The following XKR3 variants were observed in gnomAD, a reference collection of about 807,000 sequenced individuals.
XKR3 encodes the protein XK-related protein 3.
A neutral mutation model predicts 40.3 loss-of-function variants in XKR3; 27 were observed. The ratio of observed to expected loss-of-function variants is 0.67; its 90% CI spans 0.49 to 0.92. The LOEUF (loss-of-function observed/expected upper bound fraction) is 0.92. Among genes scored for constraint, XKR3 ranks in the 40% least tolerant of loss-of-function variants. The pLI, the probability that XKR3 is intolerant of heterozygous loss-of-function variation, is 0.00. For synonymous variants in XKR3, 193 were observed against 195.4 expected, an observed-to-expected ratio of 0.99 and a Z score of 0.10; for missense variants, 472 against 537.6, an observed-to-expected ratio of 0.88 and a Z score of 1.21.
rs1236150066 is a variant in XKR3, at chr22:16,784,312, C to T, written c.687G>A (p.Lys229=). 835 of 1,614,176 alleles carry T rather than the reference C, an allele frequency of 5.2e-4. 10 individuals carry two copies. The East Asian group carries it at 0.018, about 35-fold the overall frequency. The change falls in exon 4 of 4, where the codon AAG becomes AAA. Residue 229 remains lysine, a synonymous_variant. Coordinates refer to ENST00000684488, the MANE Select transcript of XKR3 (RefSeq NM_001386955.1). The part of the protein sequence containing the change: ...IQISNDDTTI[K]LPPIEFFCVV... ...CACAGAAGAATTCTATCGGCGGTAGCTTAATGGTAGTATCATCATTGCTGA... is the reference window on the plus strand; with the variant it reads ...CACAGAAGAATTCTATCGGCGGTAGTTTAATGGTAGTATCATCATTGCTGA...
intron 1 of XKR3, chr22:16,821,649 G>A (rs1454784554): frequency 3.3e-5 from 5 of 151,922 alleles, no homozygotes; most frequent in Admixed American, 2.6e-4. Context: ...AAGAGACAGT[G>A]GGAGGGAGTT....
At chr22:16,817,860 A>G (rs370569695) in intron 1 of XKR3, among the ~76,000 whole-genome samples, 10 of 152,286 alleles carry the variant, frequency 6.6e-5, no homozygotes, top group African/African-American at 2.4e-4. Context: ...CTTGATTTCA[A>G]TTGAATTATT....
chr22:16,784,284 C>A lies in XKR3; in HGVS notation c.715G>T (p.Val239Leu). ...ATAACCTCCAAAAAACGCCACATCACGACACAGAAGAATTCTATCGGCGGT... is the reference window on the plus strand; with the variant it reads ...ATAACCTCCAAAAAACGCCACATCAAGACACAGAAGAATTCTATCGGCGGT... The part of the protein sequence containing the change: ...KLPPIEFFCV[V>L]MWRFLEVISR... Residue 239 changes from valine (V) to leucine (L), a missense_variant, in exon 4 of 4, where the codon GTG (valine) becomes TTG (leucine). Physicochemically the swap from Val to Leu is conservative, Grantham distance 32. Transcript: ENST00000684488. 1 of 1,614,166 alleles carries A rather than the reference C, an allele frequency of 6.2e-7. No homozygotes were observed. Among genetic ancestry groups the A allele is most frequent in the Non-Finnish European group, 8.5e-7 (1 of 1,180,028 alleles).
chr22:16,801,104 C>T (rs2146159719), intron 2 of XKR3, among the ~76,000 whole-genome samples: 2 of 152,256 alleles, frequency 1.3e-5, no homozygotes, highest in African/African-American at 4.8e-5. Flanking sequence ...GCCTACACTT[C>T]TGATCAGAAT....
At chr22:16,820,282 A>G (rs1308466359) in intron 1 of XKR3, among the ~76,000 whole-genome samples, 1 of 152,196 alleles carries the variant, frequency 6.6e-6, no homozygotes, top group African/African-American at 2.4e-5. Flanking sequence ...GTACATTTAT[A>G]CCATGGGTTG....
intron 3 of XKR3, among the ~76,000 whole-genome samples, chr22:16,799,413 C>CAAAAAAAAAAAAAAAAAAAAAAAAAAAA (rs528071823): frequency 2.4e-3 from 77 of 32,534 alleles, no homozygotes; most frequent in Non-Finnish European, 2.7e-3. Flanking sequence ...GACTATGTCT[C>CAAAAAAAAAAAAAAAAAAAAAAAAAAAA]AAAAAAAAAA....
intron 1 of XKR3, among the ~76,000 whole-genome samples, chr22:16,822,847 T>G (rs2060262270): frequency 6.6e-6 from 1 of 152,206 alleles, no homozygotes; most frequent in Admixed American, 6.5e-5. Flanking sequence ...AACTAGCTTA[T>G]TATGCTTGCT....
intron 3 of XKR3, among the ~76,000 whole-genome samples, chr22:16,797,730 T>C (rs532027348): frequency 3.0e-4 from 45 of 150,888 alleles, no homozygotes; most frequent in Non-Finnish European, 2.7e-4. Flanking sequence ...GAGGCGGAAC[T>C]TGCAGTGAGC....
chr22:16,795,368 AAAAACTTTCCCAAATCTTTGGGATGCAGT>A (rs2060136067), intron 3 of XKR3, among the ~76,000 whole-genome samples: 1 of 152,192 alleles, frequency 6.6e-6, no homozygotes, highest in Non-Finnish European at 1.5e-5. Context: ...TGAAAATAGG[AAAAACTTTCCCAAATCTTTGGGATGCAGT>A]CAAAGCAGAG....
intron 1 of XKR3, among the ~76,000 whole-genome samples, chr22:16,823,312 G>C (rs2060263751): frequency 6.6e-6 from 1 of 152,230 alleles, no homozygotes; most frequent in Non-Finnish European, 1.5e-5. Flanking sequence ...GCAGGAAGAA[G>C]AGTTCGTGGT....
At chr22:16,823,242 G>A (rs175138) in intron 1 of XKR3, among the ~76,000 whole-genome samples, 91,072 of 152,006 alleles carry the variant, frequency 0.6, 27,405 homozygotes, top group African/African-American at 0.61. Flanking sequence ...TCTGTACAAT[G>A]ATAACATCAT....
intron 1 of XKR3, among the ~76,000 whole-genome samples, chr22:16,820,720 T>C (rs2060252078): frequency 6.6e-6 from 1 of 152,178 alleles, no homozygotes. Flanking sequence ...AAAAAAACAG[T>C]TGCATAATAT....
intron 3 of XKR3, among the ~76,000 whole-genome samples, chr22:16,798,201 A>G (rs1351610628): frequency 1.3e-5 from 2 of 150,782 alleles, no homozygotes; most frequent in Non-Finnish European, 3.0e-5. Context: ...AAACAACAAC[A>G]ACAAAAACCC....
At chr22:16,807,596 A>G (rs1313267822) in intron 2 of XKR3, 143 bp downstream of exon 2, 9 of 820,520 alleles carry the variant, frequency 1.1e-5, no homozygotes, top group Non-Finnish European at 1.7e-5. Flanking sequence ...CAGTTACGAA[A>G]GTGTGAAAAC....
chr22:16,816,369 G>T (rs1481013396), intron 1 of XKR3, among the ~76,000 whole-genome samples: 1 of 47,794 alleles, frequency 2.1e-5, no homozygotes, highest in Non-Finnish European at 5.1e-5. Context: ...ACTTTCTGTA[G>T]TTATTCATTT....
At chr22:16,814,551 A>G (rs2060225644) in intron 1 of XKR3, among the ~76,000 whole-genome samples, 2 of 152,158 alleles carry the variant, frequency 1.3e-5, no homozygotes, top group African/African-American at 4.8e-5. Context: ...TTGAAACTGT[A>G]GGTCAATTTT....
intron 3 of XKR3, among the ~76,000 whole-genome samples, chr22:16,798,055 C>T (rs1189073086): frequency 6.6e-6 from 1 of 151,384 alleles, no homozygotes; most frequent in African/African-American, 2.4e-5. Flanking sequence ...TGGCACATGC[C>T]TGTAATCACA....
intron 3 of XKR3, among the ~76,000 whole-genome samples, chr22:16,794,218 T>C (rs2060131753): frequency 6.6e-6 from 1 of 152,154 alleles, no homozygotes; most frequent in Non-Finnish European, 1.5e-5. Flanking sequence ...CCAGATGCTA[T>C]GTAAGATGAC....
intron 2 of XKR3, among the ~76,000 whole-genome samples, chr22:16,800,296 C>T (rs1206662144): frequency 2.6e-5 from 4 of 152,122 alleles, no homozygotes; most frequent in Admixed American, 6.6e-5. Flanking sequence ...GTAAAAATTT[C>T]CTCATTCATA....
Sources: gnomAD v4.1 joint callset for allele counts (sites outside exome capture counted in the v4.1 genomes callset) on GRCh38, gnomAD v4.1.1 for gene constraint, MANE v1.5 for transcripts, NCBI Gene and HGNC (gene_info 2026-07-23, HGNC 2026-07-21) for gene names.